Variants in PTBP3 observed in about 807,000 individuals in gnomAD.
PTBP3 encodes the protein polypyrimidine tract binding protein 3.
Under a neutral mutation model 58.7 loss-of-function variants are expected in PTBP3, and 20 were observed. The observed-to-expected ratio is 0.34, with a 90% CI of 0.24 to 0.50. The LOEUF (loss-of-function observed/expected upper bound fraction) is 0.50. Ranked by LOEUF, PTBP3 falls within the 20% of genes least tolerant of loss-of-function variation. The probability of loss-of-function intolerance (pLI) is 0.98; values close to 1 mark genes in which losing one functional copy is unlikely to be tolerated. For missense variants in PTBP3, 509 were observed against 637.2 expected, an observed-to-expected ratio of 0.80 and a Z score of 2.17; for synonymous variants, 185 against 219.8, an observed-to-expected ratio of 0.84 and a Z score of 1.40.
the PTBP3 span, among the ~76,000 whole-genome samples, chr9:112,356,793 T>TGC: frequency 1.9e-4 from 6 of 32,000 alleles, no homozygotes; most frequent in African/African-American, 8.4e-4. Context: ...CAATTGCGTG[T>TGC]GCGCACACAC....
chr9:112,319,834 T>C lies in PTBP3; in HGVS notation c.-52+13636A>G, dbSNP rs191268668. Among the ~76,000 whole-genome samples, 4 of 152,280 alleles carry C rather than the reference T, an allele frequency of 2.6e-5. No individual in the cohort carries two copies. The East Asian group carries it at 5.8e-4, about 22-fold the overall frequency. Reference sequence around the variant, plus strand: ...TGTGGTATACATGTACAATGGAATATTACTCAGTCTTTAAAAAGAAGGAAA... The same window carrying C: ...TGTGGTATACATGTACAATGGAATACTACTCAGTCTTTAAAAAGAAGGAAA... On this transcript the variant is annotated intron_variant, in intron 1 of 13. Coordinates refer to ENST00000374257, the MANE Select transcript of PTBP3 (RefSeq NM_001163788.4).
Position 112,262,474 on chromosome 9 carries a change from T to C in PTBP3, c.477A>G (p.Glu159=), listed in dbSNP as rs140608080. The C allele has an allele frequency of 1.2e-6, 2 of 1,609,904 alleles. No individual in the cohort carries two copies. The highest frequency in any genetic ancestry group is 1.7e-6 in the Non-Finnish European group (2 of 1,178,658). ...CCAGGGTAACAGGGTAAAAGAGGTT[T>C]TCAATAATTATTCGAAGCACAGGGC... ...GQSPVLRIII[E]NLFYPVTLEV... Residue 159 remains glutamate, a synonymous_variant, in exon 5 of 14, where the codon GAA becomes GAG. Coordinates refer to ENST00000374257, the MANE Select transcript of PTBP3 (RefSeq NM_001163788.4).
At chr9:112,302,194 A>G (rs570892123) in intron 1 of PTBP3, among the ~76,000 whole-genome samples, 1 of 152,336 alleles carries the variant, frequency 6.6e-6, no homozygotes, top group South Asian at 2.1e-4. Flanking sequence ...TTTTTGTAAA[A>G]TGAAAAAAAA....
intron 7 of PTBP3, among the ~76,000 whole-genome samples, chr9:112,241,709 A>G (rs1181862631): frequency 6.6e-6 from 1 of 152,202 alleles, no homozygotes; most frequent in African/African-American, 2.4e-5. Flanking sequence ...TAAGCAATAC[A>G]TGACTGTATA....
chr9:112,227,616 G>A lies in PTBP3; in HGVS notation c.1159C>T (p.Leu387=). 1 of 1,613,852 alleles carries A rather than the reference G, an allele frequency of 6.2e-7. No homozygotes were observed. Among genetic ancestry groups the A allele is most frequent in the Non-Finnish European group, 8.5e-7 (1 of 1,179,826 alleles). Residue 387 remains leucine, a synonymous_variant, in exon 12 of 14, where the codon CTA becomes TTA. Coordinates refer to ENST00000374257, the MANE Select transcript of PTBP3 (RefSeq NM_001163788.4). ...ANQAQLAMNH[L]SGQRLYGKVL... ...TTCCCATAAAGTCTCTGACCACTTA[G>A]ATGGTTCATTGCTAGTGCATGGGAA...
intron 10 of PTBP3, among the ~76,000 whole-genome samples, chr9:112,229,130 T>A (rs535993816): frequency 7.2e-5 from 11 of 152,280 alleles, no homozygotes; most frequent in Admixed American, 3.9e-4. Flanking sequence ...AAAACTACAG[T>A]TTTTGAATTT....
chr9:112,335,365 A>G (rs1044277061), upstream of PTBP3, among the ~76,000 whole-genome samples: 1 of 151,804 alleles, frequency 6.6e-6, no homozygotes, highest in Non-Finnish European at 1.5e-5. Context: ...AGCTCACTGC[A>G]ACCTCTGCCT....
intron 8 of PTBP3, among the ~76,000 whole-genome samples, chr9:112,233,991 T>C (rs2131992892): frequency 6.6e-6 from 1 of 151,402 alleles, no homozygotes. Flanking sequence ...ATTCAAAGGT[T>C]AGAATATAAA....
upstream of PTBP3, among the ~76,000 whole-genome samples, chr9:112,335,441 A>G (rs1830560761): frequency 6.6e-6 from 1 of 151,104 alleles, no homozygotes; most frequent in South Asian, 2.1e-4. Flanking sequence ...GCCCGCCACC[A>G]CGCCTGGCTA....
In PTBP3 at chr9:112,275,919, G is replaced by C; in HGVS notation, c.129C>G (p.Thr43=). The C allele has an allele frequency of 4.3e-6, 7 of 1,613,636 alleles. No individual in the cohort carries two copies. The highest frequency in any genetic ancestry group is 5.1e-6 in the Non-Finnish European group (6 of 1,179,712). ...LHLRKIPCDV[T]EAEIISLGLP... is the part of the protein sequence containing the mutation. ...GACCTAATGATATGATCTCTGCTTC[G>C]GTGACATCACATGGAATTTTTCGAA... The change falls in exon 3 of 14, where the codon ACC becomes ACG. Residue 43 remains threonine (T), a synonymous_variant. Transcript: ENST00000374257.
intron 1 of PTBP3, chr9:112,298,516 T>A: frequency 2.0e-6 from 1 of 503,772 alleles, no homozygotes; most frequent in Non-Finnish European, 3.9e-6. Context: ...GAGAAGTCTT[T>A]TCATTGTAAT....
Position 112,220,479 on chromosome 9 carries a change from C to G in PTBP3, c.*3372G>C. 6 of 1,069,782 alleles carry G rather than the reference C, an allele frequency of 5.6e-6. No individual in the cohort carries two copies. Among genetic ancestry groups the G allele is most frequent in the Non-Finnish European group, 6.8e-6 (6 of 877,180 alleles). The allele number at this position is 1,069,782 out of a possible 1,614,324, so 66.3% of individuals were successfully genotyped here. A position where few individuals can be genotyped will look rare whatever the true frequency, so the allele number is the denominator to read the frequency against. Reference sequence around the variant, plus strand: ...CCCATGATTATCATACTAGGTGGAGCCAAAGAAGGCCTCACTGTCATAAGG... The same window carrying G: ...CCCATGATTATCATACTAGGTGGAGGCAAAGAAGGCCTCACTGTCATAAGG... On this transcript the variant is annotated 3_prime_UTR_variant, in exon 14 of 14. Coordinates refer to ENST00000374257, the MANE Select transcript of PTBP3 (RefSeq NM_001163788.4).
chr9:112,232,119 C>T lies in PTBP3; in HGVS notation c.1000G>A (p.Val334Ile), dbSNP rs139824890. 31 of 1,611,612 alleles carry T rather than the reference C, an allele frequency of 1.9e-5. No individual in the cohort carries two copies. Among genetic ancestry groups the T allele is most frequent in the African/African-American group, 4.0e-5 (3 of 74,652 alleles). ...CTCACATCAGGATTGAGATTTGTGA[C>T]GAGTAGAACAGAATTTCCTGGTATA... is the stretch of plus-strand genomic sequence containing the variant. ...SGIPGNSVLL[V>I]TNLNPDLITP... The change falls in exon 9 of 14, where the codon GTC becomes ATC. Residue 334 changes from valine to isoleucine, a missense_variant. Coordinates refer to ENST00000374257, the MANE Select transcript of PTBP3 (RefSeq NM_001163788.4).
chr9:112,293,342 G>A (rs1305777503), intron 2 of PTBP3, among the ~76,000 whole-genome samples: 3 of 152,132 alleles, frequency 2.0e-5, no homozygotes, highest in African/African-American at 7.2e-5. Flanking sequence ...TATGGTAACA[G>A]TAATACTAAC....
chr9:112,288,301 T>C (rs1400642160), intron 2 of PTBP3, among the ~76,000 whole-genome samples: 4 of 152,194 alleles, frequency 2.6e-5, no homozygotes, highest in Non-Finnish European at 2.9e-5. Context: ...AGCTCTCTGG[T>C]TGTTCTTTGC....
At chr9:112,372,862 G>A in the PTBP3 span, among the ~76,000 whole-genome samples, 47 of 150,554 alleles carry the variant, frequency 3.1e-4, no homozygotes, top group African/African-American at 9.0e-4. Flanking sequence ...TAATGCTGCC[G>A]TGAACATATA....
At chr9:112,242,950 C>T (rs1050214333) in intron 7 of PTBP3, 1 of 152,166 alleles carries the variant, frequency 6.6e-6, no homozygotes, top group Admixed American at 6.5e-5. Context: ...ACAAAACCGA[C>T]TTGTTGAAAG....
the PTBP3 span, among the ~76,000 whole-genome samples, chr9:112,373,045 C>T: frequency 6.6e-6 from 1 of 152,058 alleles, no homozygotes; most frequent in Non-Finnish European, 1.5e-5. Context: ...CAGTGCCCGC[C>T]ACCATGCCCG....
At chr9:112,310,607 C>T (rs953513170) in intron 1 of PTBP3, among the ~76,000 whole-genome samples, 2 of 152,186 alleles carry the variant, frequency 1.3e-5, no homozygotes, top group African/African-American at 2.4e-5. Context: ...CCTGCCCTTA[C>T]CTTAATGGAG....
Sources: gnomAD v4.1 joint callset for allele counts (sites outside exome capture counted in the v4.1 genomes callset) on GRCh38, gnomAD v4.1.1 for gene constraint, MANE v1.5 for transcripts, NCBI Gene and HGNC (gene_info 2026-07-23, HGNC 2026-07-21) for gene names.